The following UCHL3 variants were observed in gnomAD, a reference collection of about 807,000 sequenced individuals.
The protein encoded by UCHL3 is ubiquitin C-terminal hydrolase L3.
A neutral mutation model predicts 35.8 loss-of-function variants in UCHL3; 22 were observed. The ratio of observed to expected loss-of-function variants is 0.61; its 90% CI spans 0.44 to 0.88. UCHL3 has a LOEUF of 0.88. Ranked by LOEUF, UCHL3 falls within the 40% of genes least tolerant of loss-of-function variation. The pLI is 0.00. For missense variants in UCHL3, 229 were observed against 276.9 expected, an observed-to-expected ratio of 0.83 and a Z score of 1.23; for synonymous variants, 90 against 92.8, an observed-to-expected ratio of 0.97 and a Z score of 0.17.
At chr13:75,571,911 T>G (rs2031869114) in intron 6 of UCHL3, among the ~76,000 whole-genome samples, 1 of 152,116 alleles carries the variant, frequency 6.6e-6, no homozygotes, top group African/African-American at 2.4e-5. Flanking sequence ...TTGAGAATGA[T>G]TCCTCAAGCC....
At chr13:75,567,352 AG>A in intron 5 of UCHL3, 40 bp downstream of exon 5, 4 of 1,574,870 alleles carry the variant, frequency 2.5e-6, no homozygotes, top group Non-Finnish European at 3.5e-6. Flanking sequence ...TGTGGGCAAA[AG>A]TTTGTGGGAT....
chr13:75,589,352 T>C lies in UCHL3; in HGVS notation c.475-5563T>C, dbSNP rs189424080. ...AAGATGCGTATTATATTTAATGATA[T>C]TGTTTCCTAAAAGATAGCTAAGAGG... On this transcript the variant is annotated intron_variant, in intron 6 of 8. Coordinates refer to ENST00000377595, the MANE Select transcript of UCHL3 (RefSeq NM_006002.5). 3.3e-5 allele frequency among the ~76,000 whole-genome samples: 5 copies of C among 152,324 alleles called. No individual in the cohort carries two copies. The East Asian group carries it at 5.8e-4, about 18-fold the overall frequency.
chr13:75,597,235 G>A (rs939823223), intron 7 of UCHL3, among the ~76,000 whole-genome samples: 4 of 152,166 alleles, frequency 2.6e-5, no homozygotes, highest in Non-Finnish European at 5.9e-5. Flanking sequence ...GTGTGTTCCT[G>A]TAGTCCCACT....
chr13:75,599,286 T>C (rs1166221832), intron 7 of UCHL3, among the ~76,000 whole-genome samples: 1 of 152,110 alleles, frequency 6.6e-6, no homozygotes, highest in Non-Finnish European at 1.5e-5. Context: ...TTTTAATTTT[T>C]AAGAGTTCTT....
chr13:75,592,446 A>ATATATATATATATATATGTATATATG (rs2032524007), intron 6 of UCHL3, among the ~76,000 whole-genome samples: 3 of 71,076 alleles, frequency 4.2e-5, no homozygotes, highest in East Asian at 4.3e-4. Flanking sequence ...ATATATATAT[A>ATATATATATATATATATGTATATATG]TATATATATA....
chr13:75,601,431 C>T (rs903493488), intron 7 of UCHL3, among the ~76,000 whole-genome samples: 1 of 152,162 alleles, frequency 6.6e-6, no homozygotes. Context: ...ACAGCCACCC[C>T]AATCTTCAGC....
intron 6 of UCHL3, among the ~76,000 whole-genome samples, chr13:75,579,267 A>G (rs2032111775): frequency 6.6e-6 from 1 of 152,086 alleles, no homozygotes; most frequent in African/African-American, 2.4e-5. Flanking sequence ...CGGAAACAAT[A>G]CATGTATCAT....
At chr13:75,592,448 A>ATATG (rs1566228125) in intron 6 of UCHL3, among the ~76,000 whole-genome samples, 1 of 116,644 alleles carries the variant, frequency 8.6e-6, no homozygotes, top group African/African-American at 3.2e-5. Flanking sequence ...ATATATATAT[A>ATATG]TATATATATA....
chr13:75,585,530 CT>C lies in UCHL3; in HGVS notation c.475-9384del, dbSNP rs369867256. On this transcript the variant is annotated intron_variant, in intron 6 of 8. Transcript: ENST00000377595. ...AGAAATGTAAAGGAATTTCATTATGCTGAAACAGTACAATGCCAGACAGAAA... is the reference window on the plus strand; with the variant it reads ...AGAAATGTAAAGGAATTTCATTATGCGAAACAGTACAATGCCAGACAGAAA... Among the ~76,000 whole-genome samples the C allele has an allele frequency of 2.7e-3, 407 of 152,154 alleles. 1 individual carries two copies. Among genetic ancestry groups the C allele is most frequent in the African/African-American group, 8.9e-3 (371 of 41,530 alleles).
At chr13:75,572,032 T>TTTCC (rs750145683) in intron 6 of UCHL3, among the ~76,000 whole-genome samples, 195 of 152,016 alleles carry the variant, frequency 1.3e-3, no homozygotes, top group African/African-American at 3.8e-3. Flanking sequence ...TGTCTTTACT[T>TTTCC]TTCCTTCCTT....
chr13:75,559,145 T>C (rs2031402055), intron 2 of UCHL3, among the ~76,000 whole-genome samples: 2 of 149,198 alleles, frequency 1.3e-5, no homozygotes, highest in Admixed American at 6.7e-5. Flanking sequence ...GTTCATGCCA[T>C]TCTCCTGCCT....
chr13:75,604,532 T>C (rs1466045424), intron 7 of UCHL3: 7 of 368,772 alleles, frequency 1.9e-5, no homozygotes, highest in Non-Finnish European at 2.9e-5. Flanking sequence ...GCCAGCATTG[T>C]AATAAATTCC....
intron 2 of UCHL3, among the ~76,000 whole-genome samples, chr13:75,556,407 G>C (rs560132013): frequency 3.1e-4 from 47 of 152,230 alleles, no homozygotes; most frequent in Admixed American, 3.3e-4. Flanking sequence ...GTAATATCAA[G>C]TAATTGCTAG....
intron 8 of UCHL3, among the ~76,000 whole-genome samples, chr13:75,605,245 C>T (rs2032904575): frequency 6.6e-6 from 1 of 152,152 alleles, no homozygotes; most frequent in Non-Finnish European, 1.5e-5. Context: ...TAGTGGCTCA[C>T]GGCTATAATC....
chr13:75,592,458 A>ACG, intron 6 of UCHL3, among the ~76,000 whole-genome samples: 2 of 117,620 alleles, frequency 1.7e-5, no homozygotes, highest in African/African-American at 6.2e-5. Context: ...ATATATATAT[A>ACG]TATATATATG....
At position 75,577,245 on chromosome 13, in the gene UCHL3, C is replaced by T. The variant is rs7991577; in HGVS notation, c.474+7738C>T. ...AGCCTGGGTGACAGAGACCTTGTCT[C>T]AGACAAAAAAGAGAAAAAATATTTG... On this transcript the variant is annotated intron_variant, in intron 6 of 8. Coordinates refer to ENST00000377595, the MANE Select transcript of UCHL3 (RefSeq NM_006002.5). 6.7e-3 allele frequency among the ~76,000 whole-genome samples: 1,015 copies of T among 151,816 alleles called. 9 individuals carry two copies. Among genetic ancestry groups the T allele is most frequent in the African/African-American group, 0.022 (922 of 41,410 alleles).
In UCHL3 at chr13:75,568,439, T is replaced by A. The variant is rs527860591; in HGVS notation, c.427-1021T>A. On this transcript the variant is annotated intron_variant, in intron 5 of 8. Coordinates refer to ENST00000377595, the MANE Select transcript of UCHL3 (RefSeq NM_006002.5). ...ACATGAAAATCAGTACTCTTACTAA[T>A]GAGAGGTAGATAAACATTAATATTT... Among the ~76,000 whole-genome samples, 5 of 151,750 alleles carry A rather than the reference T, an allele frequency of 3.3e-5. No individual in the cohort carries two copies. The South Asian group carries it at 1.0e-3, about 32-fold the overall frequency.
intron 6 of UCHL3, among the ~76,000 whole-genome samples, chr13:75,575,513 T>C (rs149956085): frequency 6.6e-6 from 1 of 152,352 alleles, no homozygotes; most frequent in African/African-American, 2.4e-5. Context: ...TTAGAGTTGC[T>C]ACAGAAGTTT....
At chr13:75,587,934 G>A (rs1308899517) in intron 6 of UCHL3, among the ~76,000 whole-genome samples, 4 of 151,996 alleles carry the variant, frequency 2.6e-5, no homozygotes, top group Non-Finnish European at 5.9e-5. Context: ...CTATTCTTTT[G>A]CAACCATCCA....
Sources: allele counts gnomAD v4.1 joint callset (sites outside exome capture counted in the v4.1 genomes callset), GRCh38; gene constraint gnomAD v4.1.1; transcripts MANE v1.5; gene names NCBI Gene and HGNC (gene_info 2026-07-23, HGNC 2026-07-21).